Variants in POT1 observed in about 807,000 individuals in gnomAD.
POT1 encodes protection of telomeres 1.
A neutral mutation model predicts 78.5 loss-of-function variants in POT1; 47 were observed. The ratio of observed to expected loss-of-function variants is 0.60; its 90% CI spans 0.47 to 0.76. The LOEUF is 0.76. Among genes scored for constraint, POT1 ranks in the 30% least tolerant of loss-of-function variants. POT1 has a pLI of 0.00. For synonymous variants in POT1, 259 were observed against 260.7 expected, an observed-to-expected ratio of 0.99 and a Z score of 0.06; for missense variants, 646 against 749.9, an observed-to-expected ratio of 0.86 and a Z score of 1.62.
intron 9 of POT1, among the ~76,000 whole-genome samples, chr7:124,854,356 G>T (rs10156168): frequency 0.6 from 91,187 of 151,596 alleles, 27,551 homozygotes; most frequent in African/African-American, 0.65. Flanking sequence ...GGGTTCACTC[G>T]CATACTGGCA....
intron 11 of POT1, among the ~76,000 whole-genome samples, chr7:124,850,273 C>T (rs1054019608): frequency 1.3e-5 from 2 of 152,048 alleles, no homozygotes; most frequent in African/African-American, 4.8e-5. Flanking sequence ...AAAGTATGTA[C>T]AAAAACTCAA....
intron 12 of POT1, among the ~76,000 whole-genome samples, chr7:124,845,151 C>T (rs559525779): frequency 5.3e-5 from 8 of 152,124 alleles, no homozygotes; most frequent in African/African-American, 1.4e-4. Flanking sequence ...TTACTATAAT[C>T]GAATTAATTA....
intron 3 of POT1, among the ~76,000 whole-genome samples, chr7:124,905,257 A>G (rs1386534451): frequency 2.0e-5 from 3 of 152,224 alleles, no homozygotes; most frequent in Non-Finnish European, 4.4e-5. Flanking sequence ...TAACCAAAAC[A>G]GCATGGTACT....
In POT1 at chr7:124,861,971, T is replaced by C. The variant is rs779345276; in HGVS notation, c.546+1379A>G. Among the ~76,000 whole-genome samples, 9 of 152,318 alleles carry C rather than the reference T, an allele frequency of 5.9e-5. No individual in the cohort carries two copies. In the South Asian group the frequency reaches 8.3e-4, roughly 14 times the overall value. On this transcript the variant is annotated intron_variant, in intron 8 of 18. Coordinates refer to ENST00000357628, the MANE Select transcript of POT1 (RefSeq NM_015450.3). ...CCGTTCCACTGGTCCATATATCTGC[T>C]TTGGTAGCAGTACAATGCTTTTTTG...
At position 124,852,972 on chromosome 7, in the gene POT1, T is replaced by A. The variant is rs1795349533; in HGVS notation, c.869A>T (p.Lys290Met). The change falls in exon 10 of 19, where the codon AAG becomes ATG. Residue 290 changes from lysine (K) to methionine (M), a missense_variant and splice_region_variant. Physicochemically the swap from Lys to Met is moderately conservative, Grantham distance 95 (BLOSUM62 -1). Coordinates refer to ENST00000357628, the MANE Select transcript of POT1 (RefSeq NM_015450.3). ...ESNSDVDQLK[K>M]DLESANLTAN... ...CATTTTCTAAATACTAAAAGCTTACTTTTTCAGTTGATCCACATCAGAGTT... is the reference window on the plus strand; with the variant it reads ...CATTTTCTAAATACTAAAAGCTTACATTTTCAGTTGATCCACATCAGAGTT... 6.2e-7 allele frequency: 1 copy of A among 1,608,936 alleles called. No individual in the cohort carries two copies. Among genetic ancestry groups the A allele is most frequent in the Non-Finnish European group, 8.5e-7 (1 of 1,178,130 alleles).
At chr7:124,880,313 C>T (rs767508350) in intron 6 of POT1, among the ~76,000 whole-genome samples, 29 of 152,060 alleles carry the variant, frequency 1.9e-4, no homozygotes, top group Admixed American at 5.9e-4. Flanking sequence ...TGTATTACGT[C>T]TCTCACTTTA....
chr7:124,890,349 G>T (rs1299700869), intron 6 of POT1, among the ~76,000 whole-genome samples: 1 of 151,906 alleles, frequency 6.6e-6, no homozygotes, highest in African/African-American at 2.4e-5. Context: ...TTCTTAAGAA[G>T]TAATCTACTC....
intron 8 of POT1, among the ~76,000 whole-genome samples, chr7:124,862,150 T>C (rs1795613335): frequency 6.6e-6 from 1 of 152,138 alleles, no homozygotes; most frequent in South Asian, 2.1e-4. Context: ...GGTTTTCACT[T>C]GTCCAAAAAA....
chr7:124,846,547 T>A (rs536722116), intron 12 of POT1, among the ~76,000 whole-genome samples: 1 of 152,220 alleles, frequency 6.6e-6, no homozygotes, highest in African/African-American at 2.4e-5. Context: ...TCCTTTATGG[T>A]ACACTGTTAA....
At chr7:124,903,578 A>G (rs897269449) in intron 3 of POT1, among the ~76,000 whole-genome samples, 3 of 152,232 alleles carry the variant, frequency 2.0e-5, no homozygotes, top group African/African-American at 7.2e-5. Context: ...AGCAAGAAAG[A>G]TCTAAAATGG....
chr7:124,902,049 A>T (rs1013134043), intron 3 of POT1, among the ~76,000 whole-genome samples: 1 of 152,214 alleles, frequency 6.6e-6, no homozygotes, highest in Non-Finnish European at 1.5e-5. Flanking sequence ...TCTACATTTG[A>T]TTGGTGTACC....
At chr7:124,863,133 C>G (rs1356150917) in intron 8 of POT1, among the ~76,000 whole-genome samples, 2 of 152,006 alleles carry the variant, frequency 1.3e-5, no homozygotes, top group Non-Finnish European at 2.9e-5. Flanking sequence ...ACATGTAGAT[C>G]TAATAACACT....
chr7:124,828,956 C>G, intron 16 of POT1: 1 of 625,410 alleles, frequency 1.6e-6, no homozygotes, highest in African/African-American at 1.8e-5. Flanking sequence ...AGCACAATGT[C>G]CAGCTCTGAA....
At chr7:124,837,549 G>T (rs1794928071) in intron 14 of POT1, among the ~76,000 whole-genome samples, 1 of 151,952 alleles carries the variant, frequency 6.6e-6, no homozygotes, top group Non-Finnish European at 1.5e-5. Context: ...ATCTGAATAG[G>T]TCTATGTCTA....
Position 124,822,596 on chromosome 7 carries a change from C to T in POT1, c.*1366G>A, listed in dbSNP as rs1054913577. 1.5e-4 allele frequency: 66 copies of T among 450,630 alleles called. 1 individual carries two copies. The highest frequency in any genetic ancestry group is 1.3e-3 in the African/African-American group (66 of 49,982). 27.9% of individuals were successfully genotyped at this position (450,630 alleles called of 1,614,324 possible). ...TTATTTCACCTTTGTATCCTGAGCACATCATCAACACGGAAACACACCTGT... is the reference window on the plus strand; with the variant it reads ...TTATTTCACCTTTGTATCCTGAGCATATCATCAACACGGAAACACACCTGT... On this transcript the variant is annotated 3_prime_UTR_variant, in exon 19 of 19. Transcript: ENST00000357628.
At position 124,851,825 on chromosome 7, in the gene POT1, T is replaced by G. The variant is rs764717777; in HGVS notation, c.949+47A>C. 24 of 1,284,094 alleles carry G rather than the reference T, an allele frequency of 1.9e-5. No individual in the cohort carries two copies. In the East Asian group the frequency reaches 5.3e-4, roughly 29 times the overall value. 79.5% of individuals were successfully genotyped at this position (1,284,094 alleles called of 1,614,324 possible). A position where few individuals can be genotyped will look rare whatever the true frequency, so the allele number is the denominator to read the frequency against. ...ACAAAGAATTATGTTGATAAAACTA[T>G]TTTATTTAGCAAGAACTAAACTGTC... On this transcript the variant is annotated intron_variant, in intron 11 of 18. Coordinates refer to ENST00000357628, the MANE Select transcript of POT1 (RefSeq NM_015450.3).
In POT1 at chr7:124,853,090, T is replaced by C. The variant is rs148397357; in HGVS notation, c.751A>G (p.Met251Val). 3.0e-4 allele frequency: 483 copies of C among 1,608,012 alleles called. No homozygotes were observed. In the African/African-American group the frequency reaches 5.7e-3, roughly 19 times the overall value. Reference protein sequence around the residue: ...IYSLHTKLQSMNSENQTMLSL... With the variant: ...IYSLHTKLQSVNSENQTMLSL... The stretch of plus-strand genomic sequence containing the variant: ...AACATTGTCTGATTCTCTGAATTCA[T>C]TGATTGAAGTTTGGTATGAAGGCTA... Residue 251 changes from methionine (M) to valine (V), a missense_variant, in exon 10 of 19, where the codon ATG becomes GTG. Met to Val is a conservative substitution (Grantham distance 21). Coordinates refer to ENST00000357628, the MANE Select transcript of POT1 (RefSeq NM_015450.3).
At chr7:124,832,238 A>G (rs1407376026) in intron 15 of POT1, among the ~76,000 whole-genome samples, 3 of 139,548 alleles carry the variant, frequency 2.1e-5, no homozygotes, top group Non-Finnish European at 4.7e-5. Context: ...TGGGTATCAG[A>G]ATGACACTGT....
At chr7:124,893,805 C>T (rs1476276247) in intron 5 of POT1, among the ~76,000 whole-genome samples, 1 of 151,560 alleles carries the variant, frequency 6.6e-6, no homozygotes. Flanking sequence ...TAAAACTTTT[C>T]TAATAAAATT....
Sources: allele counts gnomAD v4.1 joint callset (sites outside exome capture counted in the v4.1 genomes callset), GRCh38; gene constraint gnomAD v4.1.1; transcripts MANE v1.5; gene names NCBI Gene and HGNC (gene_info 2026-07-23, HGNC 2026-07-21).